The following LRRC7 variants were observed in gnomAD, a reference collection of about 807,000 sequenced individuals.
The protein encoded by LRRC7 is leucine rich repeat containing 7, also known as leucine-rich repeat-containing protein 7.
Under a neutral mutation model 175.7 loss-of-function variants are expected in LRRC7, and 23 were observed. The observed-to-expected ratio is 0.13, with a 90% CI of 0.09 to 0.19. The LOEUF is 0.19. Ranked by LOEUF, LRRC7 falls within the 10% of genes least tolerant of loss-of-function variation. LRRC7 has a pLI of 1.00. For synonymous variants in LRRC7, 685 were observed against 680.9 expected, an observed-to-expected ratio of 1.01 and a Z score of -0.09; for missense variants, 1,354 against 1,904.7, an observed-to-expected ratio of 0.71 and a Z score of 5.38.
At chr1:69,741,304 T>A (rs181558570) in intron 2 of LRRC7, among the ~76,000 whole-genome samples, 2 of 152,184 alleles carry the variant, frequency 1.3e-5, no homozygotes, top group East Asian at 3.9e-4. Context: ...ATTGTTTATC[T>A]GAAATTTACA....
intron 7 of LRRC7, among the ~76,000 whole-genome samples, chr1:69,914,402 T>A (rs955418236): frequency 3.3e-5 from 5 of 152,344 alleles, no homozygotes; most frequent in African/African-American, 1.2e-4. Context: ...CTGCTTCAAC[T>A]GGAATATTTT....
Position 69,786,767 on chromosome 1 carries a change from A to G in LRRC7, c.304-5276A>G, listed in dbSNP as rs1251678985. ...TACCTCCCACTGGGTCCCTCTAACA[A>G]CACGTGGGAATTATGGGAGCTACAA... On this transcript the variant is annotated intron_variant, in intron 3 of 26. Coordinates refer to ENST00000651989, the MANE Select transcript of LRRC7 (RefSeq NM_001370785.2). Among the ~76,000 whole-genome samples the G allele has an allele frequency of 2.6e-5, 4 of 152,256 alleles. 1 individual carries two copies. The East Asian group carries it at 7.7e-4, about 29-fold the overall frequency.
chr1:69,932,472 AT>A (rs1483079368), intron 8 of LRRC7, among the ~76,000 whole-genome samples: 1 of 152,112 alleles, frequency 6.6e-6, no homozygotes, highest in Admixed American at 6.5e-5. Flanking sequence ...ACCTAGCAAA[AT>A]TTATTCTAAT....
At chr1:70,053,946 A>G (rs1477921539) in intron 23 of LRRC7, among the ~76,000 whole-genome samples, 2 of 152,210 alleles carry the variant, frequency 1.3e-5, no homozygotes, top group African/African-American at 2.4e-5. Flanking sequence ...TACATTTACT[A>G]GACTGGCAAA....
chr1:69,784,860 G>A (rs1426997580), intron 3 of LRRC7, among the ~76,000 whole-genome samples: 2 of 152,084 alleles, frequency 1.3e-5, no homozygotes, highest in Admixed American at 6.6e-5. Context: ...CAATATAAAT[G>A]TTTTTAAAGT....
Position 69,880,913 on chromosome 1 carries a change from G to A in LRRC7, c.647+42630G>A, listed in dbSNP as rs142256948. Among the ~76,000 whole-genome samples the A allele has an allele frequency of 5.9e-5, 9 of 152,292 alleles. No individual in the cohort carries two copies. The East Asian group carries it at 1.7e-3, about 29-fold the overall frequency. On this transcript the variant is annotated intron_variant, in intron 7 of 26. Transcript: ENST00000651989. ...AAAGCAACTAGCAACAAATTGCAAA[G>A]CCAGAATAATGCATCTTGCATTTAT...
intron 11 of LRRC7, among the ~76,000 whole-genome samples, chr1:69,995,292 G>T (rs1654826714): frequency 6.6e-6 from 1 of 152,096 alleles, no homozygotes. Context: ...TACAATCCGT[G>T]TAAAGTGAGA....
intron 4 of LRRC7, among the ~76,000 whole-genome samples, chr1:69,793,708 A>G (rs539917517): frequency 6.6e-6 from 1 of 152,114 alleles, no homozygotes; most frequent in South Asian, 2.1e-4. Flanking sequence ...TCTCCTTACT[A>G]GAATTAAAAT....
intron 2 of LRRC7, among the ~76,000 whole-genome samples, chr1:69,704,185 T>C (rs944503841): frequency 3.3e-5 from 5 of 152,042 alleles, no homozygotes; most frequent in Non-Finnish European, 5.9e-5. Flanking sequence ...AACTAGTTTA[T>C]AAAAGACTTT....
At chr1:69,856,925 G>A (rs1361450350) in intron 7 of LRRC7, among the ~76,000 whole-genome samples, 1 of 152,064 alleles carries the variant, frequency 6.6e-6, no homozygotes, top group Admixed American at 6.6e-5. Flanking sequence ...ATGATCAAGT[G>A]GGCTTCATCC....
At chr1:69,617,872 G>C (rs771988504) in intron 1 of LRRC7, among the ~76,000 whole-genome samples, 1 of 152,000 alleles carries the variant, frequency 6.6e-6, no homozygotes, top group Non-Finnish European at 1.5e-5. Context: ...GCAGAACGTG[G>C]GCCTGCAGCC....
In LRRC7 at chr1:70,023,364, G is replaced by A. The variant is rs374585057; in HGVS notation, c.1784G>A (p.Ser595Asn). ...CAATCCACCACTCTTCCCTCTCTAA[G>A]TGGCAGACAGGTAGGCCTAGGTGTC... ...AAQSTTLPSL[S>N]GRQVEINLKR... The change falls in exon 17 of 27, where the codon AGT becomes AAT. Residue 595 changes from serine (S) to asparagine (N), a missense_variant. Ser to Asn is a conservative substitution (Grantham distance 46). This residue lies in a region of LRRC7 where 1,032 missense variants were observed against 1,227.2 expected (regional missense o/e 0.84). Transcript: ENST00000651989. 6.3e-7 allele frequency: 1 copy of A among 1,593,068 alleles called. No homozygotes were observed. The highest frequency in any genetic ancestry group is 1.1e-5 in the South Asian group (1 of 87,398).
intron 11 of LRRC7, among the ~76,000 whole-genome samples, chr1:70,002,117 T>G (rs1271973352): frequency 6.6e-6 from 1 of 152,236 alleles, no homozygotes; most frequent in African/African-American, 2.4e-5. Flanking sequence ...AGACTGAGCC[T>G]TATGTTCTTA....
chr1:70,072,424 CT>C (rs1662455456), intron 23 of LRRC7, among the ~76,000 whole-genome samples: 1 of 152,224 alleles, frequency 6.6e-6, no homozygotes, highest in African/African-American at 2.4e-5. Context: ...ACAACTTCCT[CT>C]TTACAGTCCT....
At chr1:69,995,141 A>G (rs968017541) in intron 11 of LRRC7, among the ~76,000 whole-genome samples, 6 of 152,292 alleles carry the variant, frequency 3.9e-5, no homozygotes, top group South Asian at 4.1e-4. Context: ...CTTCAAGATG[A>G]AAGTCTAACA....
chr1:69,576,502 C>G (rs954819812), intron 1 of LRRC7, among the ~76,000 whole-genome samples: 3 of 152,138 alleles, frequency 2.0e-5, no homozygotes, highest in Admixed American at 2.0e-4. Context: ...GAGATTAAAG[C>G]TCTTAAAATA....
At chr1:70,001,368 T>TA (rs905567029) in intron 11 of LRRC7, among the ~76,000 whole-genome samples, 6 of 151,780 alleles carry the variant, frequency 4.0e-5, no homozygotes, top group Non-Finnish European at 7.4e-5. Flanking sequence ...AATAGAGAAA[T>TA]AAAAAAAAGA....
At chr1:69,934,491 TG>T (rs1647744867) in intron 8 of LRRC7, among the ~76,000 whole-genome samples, 1 of 19,926 alleles carries the variant, frequency 5.0e-5, no homozygotes, top group Non-Finnish European at 9.4e-5. Flanking sequence ...ATAGATATTT[TG>T]GCGGGGGGGG....
chr1:69,669,765 C>G (rs947020861), intron 1 of LRRC7, among the ~76,000 whole-genome samples: 22 of 151,940 alleles, frequency 1.4e-4, no homozygotes, highest in Admixed American at 1.2e-3. Flanking sequence ...ATTCTTCTTT[C>G]TTTTGTCTTC....
Sources: gnomAD v4.1 joint callset for allele counts (sites outside exome capture counted in the v4.1 genomes callset) on GRCh38, gnomAD v4.1.1 for gene constraint, gnomAD v4.1.1 regional missense constraint, MANE v1.5 for transcripts, NCBI Gene and HGNC (gene_info 2026-07-23, HGNC 2026-07-21) for gene names.